The following ALMS1 variants were observed in gnomAD, a reference collection of about 807,000 sequenced individuals.
ALMS1 encodes ALMS1 centrosome and basal body associated protein.
ALMS1 carries 271 observed loss-of-function variants against 352.2 expected under a neutral mutation model. The observed-to-expected ratio is 0.77, with a 90% CI of 0.70 to 0.85. The LOEUF (loss-of-function observed/expected upper bound fraction) is 0.85, where lower values mean the gene tolerates loss of function less well. Among genes scored for constraint, ALMS1 ranks in the 40% least tolerant of loss-of-function variants. The pLI is 0.00. For synonymous variants in ALMS1, 1,865 were observed against 1,761.2 expected, an observed-to-expected ratio of 1.06 and a Z score of -1.48; for missense variants, 5,445 against 4,870.7, an observed-to-expected ratio of 1.12 and a Z score of -3.51.
At chr2:73,439,089 CTTCT>C (rs371080814) in intron 7 of ALMS1, among the ~76,000 whole-genome samples, 1 of 133,406 alleles carries the variant, frequency 7.5e-6, no homozygotes, top group African/African-American at 2.8e-5. Flanking sequence ...TTTCTTCTTT[CTTCT>C]TTCTTTTTCT....
chr2:73,446,738 C>G (rs1194087103), intron 7 of ALMS1, among the ~76,000 whole-genome samples: 1 of 152,036 alleles, frequency 6.6e-6, no homozygotes, highest in Non-Finnish European at 1.5e-5. Context: ...TCTAGAAAAA[C>G]TATGTATCTT....
chr2:73,437,989 C>A (rs1335681270), intron 7 of ALMS1, among the ~76,000 whole-genome samples: 1 of 152,174 alleles, frequency 6.6e-6, no homozygotes, highest in African/African-American at 2.4e-5. Flanking sequence ...TACAAGCCTG[C>A]CTCCTATGGT....
At chr2:73,595,710 A>G (rs1011668912) in intron 16 of ALMS1, among the ~76,000 whole-genome samples, 1 of 152,186 alleles carries the variant, frequency 6.6e-6, no homozygotes, top group Admixed American at 6.5e-5. Context: ...AAATTGCCTA[A>G]GTGTTTTCCA....
Position 73,559,059 on chromosome 2 carries a change from A to C in ALMS1, c.10301A>C (p.Gln3434Pro). Residue 3434 changes from glutamine (Q) to proline (P), a missense_variant, in exon 15 of 23, where the codon CAG (glutamine) becomes CCG (proline). Physicochemically the swap from Gln to Pro is moderately conservative, Grantham distance 76 (BLOSUM62 -1). Transcript: ENST00000613296. ...KNLPDTKAITQKEEIHRKKTV... is the reference protein window; with the variant it reads ...KNLPDTKAITPKEEIHRKKTV... ...TTGCCAGACACTAAAGCCATTACAC[A>C]GAAAGAGGAGATCCATAGGAAGAAG... The C allele has an allele frequency of 1.2e-6, 2 of 1,614,092 alleles. No individual in the cohort carries two copies. Among genetic ancestry groups the C allele is most frequent in the Non-Finnish European group, 1.7e-6 (2 of 1,179,978 alleles).
chr2:73,513,430 T>C (rs992837549), intron 10 of ALMS1, among the ~76,000 whole-genome samples: 2 of 152,142 alleles, frequency 1.3e-5, no homozygotes, highest in African/African-American at 4.8e-5. Context: ...GATGCCCTCA[T>C]CTTGTTTAGG....
intron 9 of ALMS1, among the ~76,000 whole-genome samples, chr2:73,465,113 T>C (rs1035016678): frequency 2.0e-5 from 3 of 152,176 alleles, no homozygotes; most frequent in African/African-American, 4.8e-5. Context: ...CCGGTGACTT[T>C]CTTCACAGAA....
intron 1 of ALMS1, among the ~76,000 whole-genome samples, chr2:73,402,928 GA>G (rs1392325270): frequency 6.6e-6 from 1 of 152,066 alleles, no homozygotes; most frequent in Non-Finnish European, 1.5e-5. Context: ...ATATATTGTG[GA>G]AACTGACTCC....
At chr2:73,386,315 G>C in intron 1 of ALMS1, 123 bp downstream of exon 1, 1 of 1,343,402 alleles carries the variant, frequency 7.4e-7, no homozygotes, top group Non-Finnish European at 9.7e-7. Flanking sequence ...GCTGAGGCTA[G>C]TAGGCGGCCC....
intron 2 of ALMS1, among the ~76,000 whole-genome samples, chr2:73,418,067 TA>T (rs1474814670): frequency 4.6e-5 from 7 of 152,232 alleles, no homozygotes; most frequent in Non-Finnish European, 8.8e-5. Flanking sequence ...GCTTGTGTTT[TA>T]TATCTTGGGC....
At position 73,534,851 on chromosome 2, in the gene ALMS1, C is replaced by T. The variant is rs551032553; in HGVS notation, c.9809C>T (p.Pro3270Leu). The change falls in exon 12 of 23, where the codon CCT becomes CTT. Residue 3270 changes from proline to leucine, a missense_variant. Coordinates refer to ENST00000613296, the MANE Select transcript of ALMS1 (RefSeq NM_001378454.1). ...CAGCCTTTATTATTGCCATATAAGC[C>T]TTCTGGTAGTACCAAGATGTATTAT... ...DGQPLLLPYK[P>L]SGSTKMYYVP... is the part of the protein sequence containing the mutation. 2.5e-6 allele frequency: 4 copies of T among 1,613,618 alleles called. No individual in the cohort carries two copies. Among genetic ancestry groups the T allele is most frequent in the East Asian group, 4.5e-5 (2 of 44,822 alleles).
At chr2:73,485,699 C>T (rs188245139) in intron 9 of ALMS1, among the ~76,000 whole-genome samples, 1 of 152,168 alleles carries the variant, frequency 6.6e-6, no homozygotes, top group South Asian at 2.1e-4. Flanking sequence ...AGTTTGATCT[C>T]AGACTGCTGT....
intron 6 of ALMS1, among the ~76,000 whole-genome samples, chr2:73,431,770 T>TA (rs1308001112): frequency 6.6e-6 from 1 of 152,204 alleles, no homozygotes; most frequent in Non-Finnish European, 1.5e-5. Context: ...TTTTCCTTCT[T>TA]ACTGTTTCTT....
Position 73,569,246 on chromosome 2 carries a change from C to A in ALMS1, c.10385-3016C>A, listed in dbSNP as rs949504916. Among the ~76,000 whole-genome samples the A allele has an allele frequency of 3.9e-5, 6 of 151,916 alleles. No individual in the cohort carries two copies. In the South Asian group the frequency reaches 1.2e-3, roughly 32 times the overall value. On this transcript the variant is annotated intron_variant, in intron 15 of 22. Coordinates refer to ENST00000613296, the MANE Select transcript of ALMS1 (RefSeq NM_001378454.1). The stretch of plus-strand genomic sequence containing the variant: ...GCCAGGCTGGTCTTGAACTCCTGAC[C>A]TCAAGTAAGCCACCCCCATTGGCCT...
At chr2:73,423,178 A>C (rs1251324286) in intron 4 of ALMS1, among the ~76,000 whole-genome samples, 1 of 152,200 alleles carries the variant, frequency 6.6e-6, no homozygotes, top group Non-Finnish European at 1.5e-5. Context: ...ACCAGATGAC[A>C]GTAGTTTATT....
At position 73,452,138 on chromosome 2, in the gene ALMS1, G is replaced by T; in HGVS notation, c.5611G>T (p.Val1871Leu). The stretch of plus-strand genomic sequence containing the variant: ...GCAGGAGTTGCCAGATCTTACTGAA[G>T]TAACTTTGAAAGCAATAGGGGTTCC... ...YEQELPDLTE[V>L]TLKAIGVPGP... is the part of the protein sequence containing the mutation. The change falls in exon 8 of 23, where the codon GTA becomes TTA. Residue 1871 changes from valine (V) to leucine (L), a missense_variant. Coordinates refer to ENST00000613296, the MANE Select transcript of ALMS1 (RefSeq NM_001378454.1). The T allele has an allele frequency of 6.2e-7, 1 of 1,608,994 alleles. No individual in the cohort carries two copies. Among genetic ancestry groups the T allele is most frequent in the Non-Finnish European group, 8.5e-7 (1 of 1,176,678 alleles).
At chr2:73,469,347 T>A (rs929602445) in intron 9 of ALMS1, among the ~76,000 whole-genome samples, 2 of 151,896 alleles carry the variant, frequency 1.3e-5, no homozygotes. Context: ...GATTTGGACC[T>A]TGGAAAAATT....
chr2:73,441,362 G>A (rs1419780186), intron 7 of ALMS1, among the ~76,000 whole-genome samples: 1 of 152,132 alleles, frequency 6.6e-6, no homozygotes, highest in Non-Finnish European at 1.5e-5. Context: ...GGTGGACCTA[G>A]GTCTTCTTTT....
intron 9 of ALMS1, chr2:73,470,157 A>G (rs1416390831): frequency 6.6e-6 from 1 of 151,688 alleles, no homozygotes; most frequent in Non-Finnish European, 1.5e-5. Flanking sequence ...CTAACAATTT[A>G]GTTGATTTCT....
At chr2:73,486,615 G>A (rs1672853543) in intron 9 of ALMS1, among the ~76,000 whole-genome samples, 1 of 152,210 alleles carries the variant, frequency 6.6e-6, no homozygotes, top group Admixed American at 6.5e-5. Flanking sequence ...AAAACCCAGT[G>A]ATTGCACCAC....
Sources: gnomAD v4.1 joint callset for allele counts (sites outside exome capture counted in the v4.1 genomes callset) on GRCh38, gnomAD v4.1.1 for gene constraint, MANE v1.5 for transcripts, NCBI Gene and HGNC (gene_info 2026-07-23, HGNC 2026-07-21) for gene names.